SLC25A40: variants seen among roughly 807,000 people sequenced by gnomAD.
The protein encoded by SLC25A40 is solute carrier family 25 member 40, also known as mitochondrial glutathione transporter SLC25A40.
In SLC25A40, 41 loss-of-function variants were observed where a neutral mutation model predicts 46.5. That is an observed-to-expected ratio of 0.88 (90% CI 0.69 to 1.14). The LOEUF (loss-of-function observed/expected upper bound fraction) is 1.14. Among genes scored for constraint, SLC25A40 ranks in the 50% most tolerant of loss-of-function variants. The pLI is 0.00. For synonymous variants in SLC25A40, 126 were observed against 127.5 expected, an observed-to-expected ratio of 0.99 and a Z score of 0.08; for missense variants, 386 against 393.6, an observed-to-expected ratio of 0.98 and a Z score of 0.16.
At chr7:87,869,209 ACAC>A (rs1384126774) in intron 1 of SLC25A40, among the ~76,000 whole-genome samples, 8 of 152,204 alleles carry the variant, frequency 5.3e-5, no homozygotes, top group Admixed American at 1.3e-4. Flanking sequence ...ACTTGCTTCT[ACAC>A]CACCATTTTG....
intron 11 of SLC25A40, 38 bp from the exon 12 acceptor site, chr7:87,836,399 T>C: frequency 7.9e-7 from 1 of 1,265,432 alleles, no homozygotes; most frequent in Non-Finnish European, 1.1e-6. Flanking sequence ...CAAATATTTT[T>C]TTCTTACCTT....
chr7:87,845,242 C>T (rs1447119701), intron 8 of SLC25A40, among the ~76,000 whole-genome samples: 1 of 151,798 alleles, frequency 6.6e-6, no homozygotes, highest in Admixed American at 6.5e-5. Context: ...GACGACACTG[C>T]AGATCCCTGA....
At position 87,836,234 on chromosome 7, in the gene SLC25A40, G is replaced by GTTGAAACAGCATCAAAC; in HGVS notation, c.*14_*15insGTTTGATGCTGTTTCAA. The GTTGAAACAGCATCAAAC allele has an allele frequency of 6.6e-7, 1 of 1,509,000 alleles. No homozygotes were observed. Among genetic ancestry groups the GTTGAAACAGCATCAAAC allele is most frequent in the Non-Finnish European group, 9.1e-7 (1 of 1,104,160 alleles). The allele number at this position is 1,509,000 out of a possible 1,614,324, so 93.5% of individuals were successfully genotyped here. A position where few individuals can be genotyped will look rare whatever the true frequency, so the allele number is the denominator to read the frequency against. ...TCTTTGGCTATAGTTGTTGTTTCAA[G>GTTGAAACAGCATCAAAC]TTGAAACAGCATCACTAGTATTGCT... On this transcript the variant is annotated 3_prime_UTR_variant, in exon 12 of 12. Transcript: ENST00000341119.
At chr7:87,862,495 TAACAAAATTCACTTAACCA>T (rs1242775006) in intron 1 of SLC25A40, among the ~76,000 whole-genome samples, 2 of 152,170 alleles carry the variant, frequency 1.3e-5, no homozygotes, top group African/African-American at 2.4e-5. Context: ...AGTTACTTAA[TAACAAAATTCACTTAACCA>T]GGAGATTAAT....
At chr7:87,845,303 G>A (rs1047752932) in intron 8 of SLC25A40, among the ~76,000 whole-genome samples, 12 of 152,170 alleles carry the variant, frequency 7.9e-5, no homozygotes, top group African/African-American at 2.4e-4. Context: ...CAGGGCTGAG[G>A]ATTGGTACTG....
rs1324624711 is a variant in SLC25A40, at chr7:87,849,901, C to G, written c.312G>C (p.Trp104Cys). 2.5e-6 allele frequency: 4 copies of G among 1,598,444 alleles called. No homozygotes were observed. Among genetic ancestry groups the G allele is most frequent in the Non-Finnish European group, 2.6e-6 (3 of 1,173,516 alleles). ...IIRNEGIKSL[W>C]SGLPPTLVMA... is the part of the protein sequence containing the mutation. Reference sequence around the variant, plus strand: ...CTTACAGGGTAGGAGGAAGGCCACTCCATAGAGATTTAATGCCCTCATTTC... The same window carrying G: ...CTTACAGGGTAGGAGGAAGGCCACTGCATAGAGATTTAATGCCCTCATTTC... Residue 104 changes from tryptophan to cysteine, a missense_variant, in exon 6 of 12, where the codon TGG (tryptophan) becomes TGC (cysteine). Trp to Cys is a radical substitution (Grantham distance 215). Transcript: ENST00000341119.
intron 1 of SLC25A40, among the ~76,000 whole-genome samples, chr7:87,868,355 T>C (rs1838839405): frequency 6.6e-6 from 1 of 152,086 alleles, no homozygotes; most frequent in African/African-American, 2.4e-5. Flanking sequence ...TGTTTGGGGG[T>C]GAGGAGTTCC....
At chr7:87,851,785 TCC>T (rs1838515437) in intron 5 of SLC25A40, among the ~76,000 whole-genome samples, 1 of 152,094 alleles carries the variant, frequency 6.6e-6, no homozygotes, top group Non-Finnish European at 1.5e-5. Context: ...CATCCTTTCT[TCC>T]CCATGGAAGC....
At chr7:87,874,056 C>T (rs1838935935) in intron 1 of SLC25A40, among the ~76,000 whole-genome samples, 1 of 152,200 alleles carries the variant, frequency 6.6e-6, no homozygotes, top group Non-Finnish European at 1.5e-5. Flanking sequence ...TCTATCCTTA[C>T]TGACTACAGC....
chr7:87,870,452 G>C (rs563888505), intron 1 of SLC25A40, among the ~76,000 whole-genome samples: 1 of 152,292 alleles, frequency 6.6e-6, no homozygotes, highest in South Asian at 2.1e-4. Flanking sequence ...ATAGGGACAA[G>C]AGGCAGATAA....
At position 87,836,856 on chromosome 7, in the gene SLC25A40, AAT is replaced by A; in HGVS notation, c.824-48_824-47del. ...ATAATGCTATTATAAATAACAATTT[AAT>A]AATTCCTACTACAGATAACATAGTG... On this transcript the variant is annotated intron_variant, in intron 10 of 11. Coordinates refer to ENST00000341119, the MANE Select transcript of SLC25A40 (RefSeq NM_018843.4). The A allele has an allele frequency of 2.6e-6, 3 of 1,157,648 alleles. No individual in the cohort carries two copies. In the South Asian group the frequency reaches 5.0e-5, roughly 19 times the overall value. The allele number at this position is 1,157,648 out of a possible 1,614,324, so 71.7% of individuals were successfully genotyped here.
intron 2 of SLC25A40, chr7:87,860,055 G>A (rs1438054902): frequency 1.3e-5 from 2 of 152,036 alleles, no homozygotes; most frequent in African/African-American, 4.8e-5. Context: ...AAATTAGCAG[G>A]GCATGGTGGC....
intron 7 of SLC25A40, 110 bp from the exon 8 acceptor site, chr7:87,847,232 CTATAA>C: frequency 1.2e-6 from 1 of 838,064 alleles, no homozygotes; most frequent in Non-Finnish European, 1.6e-6. Flanking sequence ...AACTTTTAGT[CTATAA>C]TGTCTGAAAA....
At chr7:87,841,957 T>C (rs1172527948) in intron 9 of SLC25A40, 13 of 368,338 alleles carry the variant, frequency 3.5e-5, no homozygotes, top group South Asian at 2.5e-4. Context: ...CAGCTACTAG[T>C]TGCAGAGCCA....
At chr7:87,847,175 C>G in intron 7 of SLC25A40, 53 bp from the exon 8 acceptor site, 2 of 1,359,810 alleles carry the variant, frequency 1.5e-6, no homozygotes, top group Non-Finnish European at 9.9e-7. Flanking sequence ...ATGTACTATG[C>G]AAACACATAT....
intron 8 of SLC25A40, 80 bp downstream of exon 8, chr7:87,846,869 G>T: frequency 8.1e-7 from 1 of 1,230,102 alleles, no homozygotes; most frequent in Non-Finnish European, 1.1e-6. Context: ...ATGGTAAAGA[G>T]TTAAAAATCT....
intron 5 of SLC25A40, among the ~76,000 whole-genome samples, chr7:87,852,765 C>T (rs902662301): frequency 6.6e-6 from 1 of 152,066 alleles, no homozygotes; most frequent in Non-Finnish European, 1.5e-5. Context: ...AAAAGCAACT[C>T]AATGGAGGAA....
At chr7:87,854,148 A>G (rs1271641748) in intron 5 of SLC25A40, 56 bp downstream of exon 5, 1 of 1,170,418 alleles carries the variant, frequency 8.5e-7, no homozygotes, top group Non-Finnish European at 1.3e-6. Context: ...AAAATATTTC[A>G]CATATAAGAT....
chr7:87,867,228 A>G (rs949482272), intron 1 of SLC25A40, among the ~76,000 whole-genome samples: 1 of 152,216 alleles, frequency 6.6e-6, no homozygotes, highest in African/African-American at 2.4e-5. Flanking sequence ...TTGAACACCA[A>G]TAATTCTTAA....
Sources: allele counts gnomAD v4.1 joint callset (sites outside exome capture counted in the v4.1 genomes callset), GRCh38; gene constraint gnomAD v4.1.1; transcripts MANE v1.5; gene names NCBI Gene and HGNC (gene_info 2026-07-23, HGNC 2026-07-21).